The following DIAPH2 variants were observed in gnomAD, a reference collection of about 807,000 sequenced individuals.
DIAPH2 encodes protein diaphanous homolog 2.
Under a neutral mutation model 92.7 loss-of-function variants are expected in DIAPH2, and 35 were observed. That is an observed-to-expected ratio of 0.38 (90% CI 0.29 to 0.50). DIAPH2 has a LOEUF of 0.50. Ranked by LOEUF, DIAPH2 falls within the 20% of genes least tolerant of loss-of-function variation. DIAPH2 has a pLI of 0.94. For synonymous variants in DIAPH2, 301 were observed against 280.4 expected (o/e 1.07, Z -0.73); for missense variants, 701 against 819.5 (o/e 0.86, Z 1.77).
chrX:97,107,579 G>C (rs758110153), intron 20 of DIAPH2, among the ~76,000 whole-genome samples: 23 of 111,601 alleles, frequency 2.1e-4, no homozygotes, highest in Admixed American at 1.9e-4. Context: ...CACAACTCCA[G>C]GCAGAAATCT....
intron 3 of DIAPH2, among the ~76,000 whole-genome samples, chrX:96,756,615 A>C (rs1263053797): frequency 2.7e-5 from 3 of 111,519 alleles, no homozygotes; most frequent in Non-Finnish European, 5.6e-5. Flanking sequence ...TTGTATGGAC[A>C]TATGTTTTCA....
intron 17 of DIAPH2, among the ~76,000 whole-genome samples, chrX:97,041,640 G>A (rs2066449073): frequency 9.0e-6 from 1 of 111,361 alleles, no homozygotes. Flanking sequence ...CTGTTGATAG[G>A]TGCAAAAAAA....
chrX:97,261,275 G>A (rs2068286186), intron 23 of DIAPH2, among the ~76,000 whole-genome samples: 1 of 112,373 alleles, frequency 8.9e-6, no homozygotes, highest in Admixed American at 9.4e-5. Flanking sequence ...TTAATTAAGG[G>A]AAGAATTCCA....
At chrX:97,114,147 C>T (rs1382878665) in intron 20 of DIAPH2, among the ~76,000 whole-genome samples, 5 of 111,671 alleles carry the variant, frequency 4.5e-5, no homozygotes, top group Non-Finnish European at 9.4e-5. Context: ...TTAACAGCAG[C>T]ATCTGTCAAG....
At chrX:96,770,805 G>A (rs2064333714) in intron 4 of DIAPH2, among the ~76,000 whole-genome samples, 1 of 112,046 alleles carries the variant, frequency 8.9e-6, no homozygotes, top group Admixed American at 9.5e-5. Context: ...TATATTATAA[G>A]TGATCTTTTA....
At chrX:96,859,632 T>C (rs1449833538) in intron 4 of DIAPH2, among the ~76,000 whole-genome samples, 18 of 106,788 alleles carry the variant, frequency 1.7e-4, no homozygotes, top group African/African-American at 6.1e-4. Context: ...TTTATTTATT[T>C]ATTTATTTAT....
intron 11 of DIAPH2, among the ~76,000 whole-genome samples, chrX:96,938,864 TG>T (rs2065674873): frequency 8.9e-6 from 1 of 112,096 alleles, no homozygotes; most frequent in Non-Finnish European, 1.9e-5. Context: ...TTCTATCTTA[TG>T]TGGCAGTGAA....
intron 26 of DIAPH2, among the ~76,000 whole-genome samples, chrX:97,515,090 T>C (rs1172589444): frequency 8.9e-6 from 1 of 111,826 alleles, no homozygotes; most frequent in Non-Finnish European, 1.9e-5. Context: ...TGGGCAATGG[T>C]GGGCGCCCCT....
intron 19 of DIAPH2, among the ~76,000 whole-genome samples, chrX:97,095,005 G>A (rs777138621): frequency 9.3e-6 from 1 of 107,266 alleles, no homozygotes; most frequent in African/African-American, 3.4e-5. Context: ...ACATGGGTAA[G>A]GAATTGTGTT....
chrX:97,191,301 C>G (rs745987008), intron 22 of DIAPH2, among the ~76,000 whole-genome samples: 6 of 106,234 alleles, frequency 5.6e-5, no homozygotes, highest in Non-Finnish European at 7.7e-5. Flanking sequence ...GCACTCCAGC[C>G]TGGGCAACAA....
intron 17 of DIAPH2, among the ~76,000 whole-genome samples, chrX:97,029,146 C>CTT (rs34551722): frequency 7.6e-5 from 7 of 92,695 alleles, no homozygotes; most frequent in Admixed American, 1.2e-4. Flanking sequence ...TTTTCTTTTT[C>CTT]TTTTTTTTTT....
intron 3 of DIAPH2, among the ~76,000 whole-genome samples, chrX:96,749,882 G>A (rs1348227450): frequency 9.0e-6 from 1 of 110,609 alleles, no homozygotes; most frequent in African/African-American, 3.3e-5. Flanking sequence ...GAAGGGGACT[G>A]ACTTGGAAGT....
intron 19 of DIAPH2, among the ~76,000 whole-genome samples, chrX:97,093,784 C>G (rs961544098): frequency 3.6e-5 from 4 of 111,733 alleles, no homozygotes; most frequent in Admixed American, 9.5e-5. Flanking sequence ...CATATAATCA[C>G]TATTTTTTCT....
At chrX:96,981,904 T>C (rs1234515889) in intron 17 of DIAPH2, among the ~76,000 whole-genome samples, 2 of 111,553 alleles carry the variant, frequency 1.8e-5, no homozygotes, top group Non-Finnish European at 3.8e-5. Flanking sequence ...ATACATGAAT[T>C]TGTAACCTCT....
At chrX:97,577,101 C>A (rs189806563) in intron 26 of DIAPH2, among the ~76,000 whole-genome samples, 55 of 111,989 alleles carry the variant, frequency 4.9e-4, no homozygotes, top group Admixed American at 2.7e-3. Context: ...ACTTCACAAT[C>A]TAACCATACA....
At chrX:97,512,004 C>G (rs2070898027) in intron 26 of DIAPH2, among the ~76,000 whole-genome samples, 3 of 113,631 alleles carry the variant, frequency 2.6e-5, no homozygotes, top group African/African-American at 9.7e-5. Context: ...GCTTTGGTAT[C>G]AGGACGATGC....
chrX:97,268,516 C>T (rs1165228193), intron 23 of DIAPH2, among the ~76,000 whole-genome samples: 1 of 112,384 alleles, frequency 8.9e-6, no homozygotes, highest in East Asian at 2.8e-4. Context: ...AACAAAACAT[C>T]ATGCCTGCAG....
chrX:97,163,504 A>G (rs1213403648), intron 22 of DIAPH2, among the ~76,000 whole-genome samples: 2 of 111,982 alleles, frequency 1.8e-5, no homozygotes, highest in African/African-American at 6.5e-5. Context: ...TTTTCAATAC[A>G]TGGTCTCCAC....
intron 17 of DIAPH2, among the ~76,000 whole-genome samples, chrX:97,023,616 C>T (rs1382160190): frequency 8.9e-6 from 1 of 111,833 alleles, no homozygotes; most frequent in East Asian, 2.8e-4. Flanking sequence ...TCATAATGCA[C>T]CTCTTGACTT....
Sources: allele counts gnomAD v4.1 joint callset (sites outside exome capture counted in the v4.1 genomes callset), GRCh38; gene constraint gnomAD v4.1.1; transcripts MANE v1.5; gene names NCBI Gene and HGNC (gene_info 2026-07-23, HGNC 2026-07-21).